Variants in ITSN1 observed in about 807,000 individuals in gnomAD.
ITSN1 encodes intersectin 1.
In ITSN1, 58 loss-of-function variants were observed where a neutral mutation model predicts 239.8. That is an observed-to-expected ratio of 0.24 (90% CI 0.20 to 0.30). The LOEUF (loss-of-function observed/expected upper bound fraction) is 0.30. Ranked by LOEUF, ITSN1 falls within the 10% of genes least tolerant of loss-of-function variation. ITSN1 has a pLI of 1.00. For synonymous variants in ITSN1, 780 were observed against 770.8 expected, an observed-to-expected ratio of 1.01 and a Z score of -0.20; for missense variants, 1,558 against 2,103.3, an observed-to-expected ratio of 0.74 and a Z score of 5.07.
At chr21:33,655,592 T>TTTA (rs1259342511) in intron 1 of ITSN1, among the ~76,000 whole-genome samples, 1 of 150,918 alleles carries the variant, frequency 6.6e-6, no homozygotes, top group Non-Finnish European at 1.5e-5. Flanking sequence ...AATTTTTTTT[T>TTTA]TTTTTTTTTT....
chr21:33,653,557 C>G (rs1364878795), intron 1 of ITSN1, among the ~76,000 whole-genome samples: 2 of 151,298 alleles, frequency 1.3e-5, no homozygotes, highest in Admixed American at 6.6e-5. Context: ...GAGTCTCGCT[C>G]TGTTGCCCAG....
At chr21:33,695,307 C>T (rs2091746781) in intron 1 of ITSN1, among the ~76,000 whole-genome samples, 2 of 152,128 alleles carry the variant, frequency 1.3e-5, no homozygotes. Flanking sequence ...CTAGGTTGAC[C>T]TAAAGTAAAC....
At chr21:33,663,662 G>A (rs2089720145) in intron 1 of ITSN1, among the ~76,000 whole-genome samples, 1 of 152,292 alleles carries the variant, frequency 6.6e-6, no homozygotes, top group East Asian at 1.9e-4. Flanking sequence ...GAGTGCAATG[G>A]CACGATCTCG....
At chr21:33,699,326 A>G (rs1315916787) in intron 1 of ITSN1, among the ~76,000 whole-genome samples, 1 of 152,218 alleles carries the variant, frequency 6.6e-6, no homozygotes, top group Admixed American at 6.5e-5. Context: ...TATTTATAAA[A>G]GATCAATTAC....
chr21:33,789,668 A>G (rs2070951712), intron 16 of ITSN1, among the ~76,000 whole-genome samples: 1 of 152,162 alleles, frequency 6.6e-6, no homozygotes, highest in African/African-American at 2.4e-5. Flanking sequence ...ATGCTACTTT[A>G]TATTTCAAGT....
chr21:33,775,215 C>A, intron 14 of ITSN1, 107 bp downstream of exon 14: 1 of 1,241,036 alleles, frequency 8.1e-7, no homozygotes, highest in Non-Finnish European at 1.1e-6. Context: ...CTGTCTTGTA[C>A]TAGGCACTGG....
chr21:33,647,727 C>G (rs1173862688), intron 1 of ITSN1, among the ~76,000 whole-genome samples: 1 of 152,176 alleles, frequency 6.6e-6, no homozygotes, highest in African/African-American at 2.4e-5. Flanking sequence ...TGCTCCTAAC[C>G]TCAGGTGATC....
At chr21:33,707,963 A>G (rs968730792) in intron 1 of ITSN1, among the ~76,000 whole-genome samples, 7 of 152,242 alleles carry the variant, frequency 4.6e-5, no homozygotes, top group African/African-American at 1.7e-4. Flanking sequence ...TAAGAAAACT[A>G]TATTTTTAAA....
intron 7 of ITSN1, among the ~76,000 whole-genome samples, chr21:33,752,407 A>G (rs1261968688): frequency 1.3e-5 from 2 of 152,224 alleles, no homozygotes; most frequent in Non-Finnish European, 2.9e-5. Context: ...AATTATCCAG[A>G]TAGTGGACAA....
In ITSN1 at chr21:33,891,533, G is replaced by A. The variant is rs1173865917; in HGVS notation, c.*3233G>A. 1.3e-5 allele frequency: 2 copies of A among 152,044 alleles called. No homozygotes were observed. The highest frequency in any genetic ancestry group is 4.8e-5 in the African/African-American group (2 of 41,368). The allele number at this position is 152,044 out of a possible 1,614,324, so 9.4% of individuals were successfully genotyped here. On this transcript the variant is annotated 3_prime_UTR_variant, in exon 40 of 40. Transcript: ENST00000381318. The stretch of plus-strand genomic sequence containing the variant: ...CTCGGTGACCTGGTACCAAAGCCCA[G>A]GTGTCCTCCAGGGGAGTATTCTGGG...
intron 1 of ITSN1, among the ~76,000 whole-genome samples, chr21:33,670,198 T>TA (rs1430868117): frequency 2.0e-5 from 3 of 151,888 alleles, no homozygotes; most frequent in African/African-American, 7.3e-5. Context: ...TACCAAAAAG[T>TA]AAAAAAATTA....
At chr21:33,714,636 A>G (rs2065036551) in intron 1 of ITSN1, among the ~76,000 whole-genome samples, 2 of 148,262 alleles carry the variant, frequency 1.3e-5, no homozygotes, top group Non-Finnish European at 2.9e-5. Context: ...ATCTATATCT[A>G]TATCTATAAG....
intron 1 of ITSN1, among the ~76,000 whole-genome samples, chr21:33,690,554 C>T (rs1340304978): frequency 1.1e-4 from 17 of 148,944 alleles, no homozygotes; most frequent in East Asian, 2.0e-4. Context: ...GAGCCAAGAT[C>T]GCACCACTGC....
chr21:33,694,984 GT>G (rs952886417), intron 1 of ITSN1, among the ~76,000 whole-genome samples: 1 of 151,932 alleles, frequency 6.6e-6, no homozygotes, highest in Non-Finnish European at 1.5e-5. Flanking sequence ...TTCTGTATTT[GT>G]TTTTTTTATT....
At chr21:33,732,707 A>G (rs2066264024) in intron 4 of ITSN1, among the ~76,000 whole-genome samples, 1 of 152,212 alleles carries the variant, frequency 6.6e-6, no homozygotes, top group South Asian at 2.1e-4. Context: ...TAAAACATTA[A>G]TAAGAACTTG....
chr21:33,745,489 A>G (rs2067126194), intron 5 of ITSN1, among the ~76,000 whole-genome samples: 1 of 152,250 alleles, frequency 6.6e-6, no homozygotes, highest in Admixed American at 6.5e-5. Context: ...AACCAAAGGT[A>G]TATAACATCT....
At chr21:33,770,218 A>G (rs1483512157) in intron 11 of ITSN1, among the ~76,000 whole-genome samples, 1 of 151,622 alleles carries the variant, frequency 6.6e-6, no homozygotes, top group Non-Finnish European at 1.5e-5. Flanking sequence ...CATGTGCCAT[A>G]ATACCCAGGT....
At chr21:33,739,479 T>C (rs7278008) in intron 5 of ITSN1, among the ~76,000 whole-genome samples, 152,097 of 152,346 alleles carry the variant, frequency 1, 75,925 homozygotes, top group East Asian at 1. Context: ...CCTCATGGCT[T>C]CTACCACTGT....
chr21:33,883,938 C>A, intron 36 of ITSN1, among the ~76,000 whole-genome samples: 1 of 134,060 alleles, frequency 7.5e-6, no homozygotes, highest in Non-Finnish European at 1.5e-5. Flanking sequence ...CTCACTCTGT[C>A]ACCCAGGCTG....
Sources: gnomAD v4.1 joint callset for allele counts (sites outside exome capture counted in the v4.1 genomes callset) on GRCh38, gnomAD v4.1.1 for gene constraint, MANE v1.5 for transcripts, NCBI Gene and HGNC (gene_info 2026-07-23, HGNC 2026-07-21) for gene names.